The following PAK2 variants were observed in gnomAD, a reference collection of about 807,000 sequenced individuals.
PAK2 encodes the protein p21 (RAC1) activated kinase 2, also known as serine/threonine-protein kinase PAK 2.
A neutral mutation model predicts 65.9 loss-of-function variants in PAK2; 21 were observed. That is an observed-to-expected ratio of 0.32 (90% confidence interval 0.23 to 0.46). PAK2 has a LOEUF of 0.46. Among genes scored for constraint, PAK2 ranks in the 20% least tolerant of loss-of-function variants. The probability of loss-of-function intolerance (pLI) is 1.00; values close to 1 mark genes in which losing one functional copy is unlikely to be tolerated. For synonymous variants in PAK2, 204 were observed against 219.7 expected (o/e 0.93, Z 0.63); for missense variants, 324 against 642.6 (o/e 0.50, Z 5.36).
intron 2 of PAK2, among the ~76,000 whole-genome samples, chr3:196,783,042 G>A (rs1417921252): frequency 6.6e-6 from 1 of 152,040 alleles, no homozygotes; most frequent in East Asian, 1.9e-4. Context: ...GCTTGTTATG[G>A]CCAATGAATT....
intron 11 of PAK2, among the ~76,000 whole-genome samples, chr3:196,815,134 C>A (rs1329549652): frequency 2.0e-5 from 3 of 150,058 alleles, no homozygotes; most frequent in Non-Finnish European, 3.0e-5. Context: ...GAGCCGAGAT[C>A]ACACCACTGC....
intron 7 of PAK2, 52 bp downstream of exon 7, chr3:196,807,966 C>G: frequency 6.5e-7 from 1 of 1,548,280 alleles, no homozygotes; most frequent in Middle Eastern, 1.7e-4. Flanking sequence ...GCTCTTAAAA[C>G]ATTTGGCCCA....
rs1715740097 is a variant in PAK2, at chr3:196,810,507, A to G, written c.710-83A>G. ...TGAAAATCACTTATAAAAACAGTGG[A>G]GTTCATTAAAAGGAATAATAATATC... On this transcript the variant is annotated intron_variant, in intron 7 of 14. Transcript: ENST00000327134. The G allele has an allele frequency of 6.5e-6, 5 of 768,142 alleles. No homozygotes were observed. In the South Asian group the frequency reaches 7.4e-5, roughly 11 times the overall value. The allele number at this position is 768,142 out of a possible 1,614,324, so 47.6% of individuals were successfully genotyped here. A position where few individuals can be genotyped will look rare whatever the true frequency, so the allele number is the denominator to read the frequency against.
At chr3:196,788,160 C>T (rs1028108549) in intron 2 of PAK2, among the ~76,000 whole-genome samples, 65 of 152,168 alleles carry the variant, frequency 4.3e-4, no homozygotes, top group African/African-American at 1.4e-3. Context: ...GTGAAACACT[C>T]GGTTTTGGTG....
Position 196,759,586 on chromosome 3 carries a change from G to A in PAK2, c.-22+19429G>A, listed in dbSNP as rs556661340. ...CCAGGCTGGAGGCTGGAGTACAGTG[G>A]CGTGATCTCGGCCCACTGCAACCTC... On this transcript the variant is annotated intron_variant, in intron 1 of 14. Coordinates refer to ENST00000327134, the MANE Select transcript of PAK2 (RefSeq NM_002577.4). 5.5e-3 allele frequency among the ~76,000 whole-genome samples: 768 copies of A among 139,966 alleles called. 2 individuals are homozygous for A. Among genetic ancestry groups the A allele is most frequent in the African/African-American group, 0.02 (727 of 37,128 alleles). 91.8% of individuals were successfully genotyped at this position (139,966 alleles called of 152,430 possible). A position where few individuals can be genotyped will look rare whatever the true frequency, so the allele number is the denominator to read the frequency against.
intron 7 of PAK2, among the ~76,000 whole-genome samples, chr3:196,809,125 G>A (rs2108762060): frequency 6.6e-6 from 1 of 151,048 alleles, no homozygotes; most frequent in East Asian, 2.0e-4. Flanking sequence ...GTGCATGTCT[G>A]TAGTCCCAGC....
intron 2 of PAK2, among the ~76,000 whole-genome samples, chr3:196,789,590 G>A (rs935198770): frequency 3.3e-5 from 5 of 152,006 alleles, no homozygotes; most frequent in Non-Finnish European, 4.4e-5. Flanking sequence ...AGCCTCCCGA[G>A]TAGCTGGGAC....
intron 1 of PAK2, among the ~76,000 whole-genome samples, chr3:196,754,433 A>G (rs1035124173): frequency 1.3e-5 from 2 of 152,076 alleles, no homozygotes; most frequent in Admixed American, 6.6e-5. Flanking sequence ...TCTCAGATGT[A>G]TTTCTGAGGG....
chr3:196,757,091 G>A (rs1051642278), intron 1 of PAK2, among the ~76,000 whole-genome samples: 1 of 152,136 alleles, frequency 6.6e-6, no homozygotes, highest in Non-Finnish European at 1.5e-5. Flanking sequence ...ATTCCGATTG[G>A]CTATTTTAAA....
intron 1 of PAK2, among the ~76,000 whole-genome samples, chr3:196,778,983 G>A (rs1323343627): frequency 6.6e-6 from 1 of 151,764 alleles, no homozygotes; most frequent in Non-Finnish European, 1.5e-5. Context: ...GTTAACTGTG[G>A]TCACTTGGTT....
At chr3:196,746,671 G>A (rs964065882) in intron 1 of PAK2, among the ~76,000 whole-genome samples, 5 of 152,056 alleles carry the variant, frequency 3.3e-5, no homozygotes, top group African/African-American at 1.2e-4. Flanking sequence ...TTAGCCAGGT[G>A]TGGTGGCAGG....
chr3:196,777,209 G>C (rs188086640), intron 1 of PAK2, among the ~76,000 whole-genome samples: 110 of 151,550 alleles, frequency 7.3e-4, no homozygotes, highest in African/African-American at 2.5e-3. Flanking sequence ...TTTTTGTTTT[G>C]TTTTGTATTT....
chr3:196,828,305 C>T lies in PAK2; in HGVS notation c.1489-14C>T, dbSNP rs1458380248. The stretch of plus-strand genomic sequence containing the variant: ...TGGCACTTATACATTTATTTTTCCC[C>T]TTCTTTCTGGCAGCATCCTTTCCTG... On this transcript the variant is annotated splice_polypyrimidine_tract_variant and intron_variant, in intron 14 of 14. Coordinates refer to ENST00000327134, the MANE Select transcript of PAK2 (RefSeq NM_002577.4). The T allele has an allele frequency of 2.6e-6, 4 of 1,536,908 alleles. No individual in the cohort carries two copies. The highest frequency in any genetic ancestry group is 1.8e-5 in the Admixed American group (1 of 56,304).
At chr3:196,810,769 G>C (rs1715751815) in intron 8 of PAK2, 116 bp downstream of exon 8, 3 of 617,876 alleles carry the variant, frequency 4.9e-6, no homozygotes, top group African/African-American at 1.9e-5. Context: ...TCTGTGAGTG[G>C]TACCCTTGGG....
chr3:196,797,694 T>C (rs1169039635), intron 2 of PAK2, among the ~76,000 whole-genome samples: 3 of 151,608 alleles, frequency 2.0e-5, no homozygotes, highest in Non-Finnish European at 4.4e-5. Context: ...GAGGTTGCAG[T>C]GAACCAAGAT....
intron 1 of PAK2, among the ~76,000 whole-genome samples, chr3:196,749,966 TACGC>T (rs1713515315): frequency 6.6e-6 from 1 of 151,326 alleles, no homozygotes; most frequent in South Asian, 2.1e-4. Flanking sequence ...GGACTACAGA[TACGC>T]TACCTTACCT....
chr3:196,821,541 A>G (rs1711651937), intron 13 of PAK2, among the ~76,000 whole-genome samples: 1 of 151,646 alleles, frequency 6.6e-6, no homozygotes, highest in African/African-American at 2.4e-5. Flanking sequence ...AGATTAGCTG[A>G]GCATGGTGGT....
intron 11 of PAK2, among the ~76,000 whole-genome samples, chr3:196,815,051 G>A (rs1211803165): frequency 6.6e-6 from 1 of 151,526 alleles, no homozygotes; most frequent in Non-Finnish European, 1.5e-5. Context: ...GTGTTGGCAG[G>A]TACCTGTAGT....
intron 8 of PAK2, among the ~76,000 whole-genome samples, chr3:196,811,094 C>A (rs1037824350): frequency 3.3e-5 from 5 of 151,828 alleles, no homozygotes; most frequent in Admixed American, 6.6e-5. Flanking sequence ...TGCTTGGAAG[C>A]AAATAAACAC....
Sources: allele counts gnomAD v4.1 joint callset (sites outside exome capture counted in the v4.1 genomes callset), GRCh38; gene constraint gnomAD v4.1.1; transcripts MANE v1.5; gene names NCBI Gene and HGNC (gene_info 2026-07-23, HGNC 2026-07-21).